The following PAPSS1 variants were observed in gnomAD, a reference collection of about 807,000 sequenced individuals.
PAPSS1 encodes bifunctional 3'-phosphoadenosine 5'-phosphosulfate synthase 1.
In PAPSS1, 50 loss-of-function variants were observed where a neutral mutation model predicts 72.0. That is an observed-to-expected ratio of 0.69 (90% CI 0.55 to 0.88). PAPSS1 has a LOEUF of 0.88. PAPSS1 is among the 40% of genes least tolerant of loss of function. PAPSS1 has a pLI of 0.00. For synonymous variants in PAPSS1, 261 were observed against 263.6 expected, an observed-to-expected ratio of 0.99 and a Z score of 0.09; for missense variants, 657 against 782.2, an observed-to-expected ratio of 0.84 and a Z score of 1.91.
intron 3 of PAPSS1, among the ~76,000 whole-genome samples, chr4:107,690,289 A>G (rs955292575): frequency 1.3e-5 from 2 of 152,142 alleles, no homozygotes; most frequent in African/African-American, 4.8e-5. Context: ...ATCATCCTTC[A>G]TATCAGTCAC....
At chr4:107,661,134 T>C (rs1727169925) in intron 5 of PAPSS1, among the ~76,000 whole-genome samples, 1 of 152,068 alleles carries the variant, frequency 6.6e-6, no homozygotes, top group Admixed American at 6.6e-5. Flanking sequence ...CATTAGGAAA[T>C]TGCAAATCAA....
intron 1 of PAPSS1, among the ~76,000 whole-genome samples, chr4:107,716,034 T>A (rs1723631731): frequency 1.3e-5 from 2 of 152,204 alleles, no homozygotes; most frequent in Non-Finnish European, 2.9e-5. Flanking sequence ...TACTTAAGCT[T>A]TTGTAAGATA....
intron 8 of PAPSS1, among the ~76,000 whole-genome samples, chr4:107,653,907 T>C (rs1211301661): frequency 1.3e-5 from 2 of 152,238 alleles, no homozygotes; most frequent in Admixed American, 1.3e-4. Flanking sequence ...TTTTCGTTAT[T>C]ATCATACATT....
chr4:107,658,248 A>G (rs1292765472), intron 6 of PAPSS1, among the ~76,000 whole-genome samples: 3 of 150,174 alleles, frequency 2.0e-5, no homozygotes, highest in Non-Finnish European at 3.0e-5. Flanking sequence ...TAAAAAAAAA[A>G]GGTGTATAGA....
rs371969617 is a variant in PAPSS1 at position 107,654,741 on chromosome 4, C to G, written c.1055G>C (p.Cys352Ser). The G allele has an allele frequency of 6.2e-7, 1 of 1,613,708 alleles. No homozygotes were observed. The highest frequency in any genetic ancestry group is 8.5e-7 in the Non-Finnish European group (1 of 1,179,864). The change falls in exon 8 of 12, where the codon TGT becomes TCT. Residue 352 changes from cysteine to serine, a missense_variant. Transcript: ENST00000265174. ...GCATGTCGTTCCCCACTGTCTGGCA[C>G]AGCGCTCCTCTTTCCTGTGCTCAAA... Reference protein sequence around the residue: ...EFFEHRKEERCARQWGTTCKN... With the variant: ...EFFEHRKEERSARQWGTTCKN...
chr4:107,622,301 C>T (rs187302348), intron 11 of PAPSS1, among the ~76,000 whole-genome samples: 2 of 152,314 alleles, frequency 1.3e-5, no homozygotes, highest in Non-Finnish European at 2.9e-5. Context: ...TTTACTGCTC[C>T]ATGCATATCT....
intron 11 of PAPSS1, 131 bp from the exon 12 acceptor site, chr4:107,614,518 A>C (rs971993658): frequency 1.1e-5 from 7 of 611,786 alleles, no homozygotes; most frequent in Non-Finnish European, 1.9e-5. Flanking sequence ...ACTTGTGAAT[A>C]TAAATCTCAT....
intron 5 of PAPSS1, among the ~76,000 whole-genome samples, chr4:107,680,591 A>G (rs1189038123): frequency 6.6e-6 from 1 of 152,200 alleles, no homozygotes; most frequent in African/African-American, 2.4e-5. Flanking sequence ...GTCTGTTTCT[A>G]TCACTTATAA....
chr4:107,709,162 T>G (rs1396935249), intron 1 of PAPSS1, among the ~76,000 whole-genome samples: 3 of 152,236 alleles, frequency 2.0e-5, no homozygotes, highest in African/African-American at 4.8e-5. Flanking sequence ...GCTAAAGTTT[T>G]TAACAATATT....
intron 5 of PAPSS1, among the ~76,000 whole-genome samples, chr4:107,671,352 A>G (rs1479703803): frequency 1.3e-5 from 2 of 151,980 alleles, no homozygotes; most frequent in East Asian, 3.9e-4. Context: ...CCCAAAGGAC[A>G]CTATTCTAAA....
At chr4:107,620,420 T>G (rs72673559) in intron 11 of PAPSS1, among the ~76,000 whole-genome samples, 36,503 of 152,162 alleles carry the variant, frequency 0.24, 5,003 homozygotes, top group Middle Eastern at 0.33. Context: ...AACTTAACAA[T>G]TTTTATTTTC....
chr4:107,659,849 C>G (rs1400340274), intron 6 of PAPSS1, 110 bp downstream of exon 6: 4 of 621,826 alleles, frequency 6.4e-6, no homozygotes, highest in African/African-American at 1.9e-5. Flanking sequence ...CATCTTTGCC[C>G]CCCCAGCTAA....
At chr4:107,702,780 T>C (rs144090692) in intron 1 of PAPSS1, among the ~76,000 whole-genome samples, 1 of 152,334 alleles carries the variant, frequency 6.6e-6, no homozygotes, top group Non-Finnish European at 1.5e-5. Context: ...TTCCATATCT[T>C]GACTATGGTA....
chr4:107,635,015 G>A (rs372932382), intron 10 of PAPSS1, among the ~76,000 whole-genome samples: 1 of 151,934 alleles, frequency 6.6e-6, no homozygotes, highest in Non-Finnish European at 1.5e-5. Flanking sequence ...AGCCAGGATG[G>A]TCTCGATCTC....
intron 1 of PAPSS1, among the ~76,000 whole-genome samples, chr4:107,703,833 G>A (rs1456076871): frequency 6.6e-6 from 1 of 152,000 alleles, no homozygotes; most frequent in African/African-American, 2.4e-5. Context: ...GGTTATCTGG[G>A]GTCTTTTGTG....
chr4:107,719,283 G>A (rs758780879), intron 1 of PAPSS1, among the ~76,000 whole-genome samples: 10 of 151,128 alleles, frequency 6.6e-5, no homozygotes, highest in Non-Finnish European at 1.2e-4. Flanking sequence ...TAACGTTTCC[G>A]TCTAAACTTA....
At position 107,645,887 on chromosome 4, in the gene PAPSS1, T is replaced by A. The variant is rs114458456; in HGVS notation, c.1238-817A>T. On this transcript the variant is annotated intron_variant, in intron 9 of 11. Transcript: ENST00000265174. ...AACAATCTGTAAGCCAAATAGTACA[T>A]CATCTCCAATCTGTTCTCAATTCTG... Among the ~76,000 whole-genome samples the A allele has an allele frequency of 4.9e-3, 741 of 152,266 alleles. 7 individuals are homozygous for A. Among genetic ancestry groups the A allele is most frequent in the African/African-American group, 0.017 (721 of 41,546 alleles).
intron 6 of PAPSS1, among the ~76,000 whole-genome samples, chr4:107,659,709 T>C (rs1055861342): frequency 6.6e-6 from 1 of 152,208 alleles, no homozygotes; most frequent in Non-Finnish European, 1.5e-5. Context: ...TCATGTAATA[T>C]TTGTTCTTTG....
chr4:107,663,902 T>A (rs1172751552), intron 5 of PAPSS1, among the ~76,000 whole-genome samples: 2 of 152,232 alleles, frequency 1.3e-5, no homozygotes, highest in African/African-American at 4.8e-5. Context: ...AAATTTTTCT[T>A]ATTTTCATGA....
Sources: allele counts gnomAD v4.1 joint callset (sites outside exome capture counted in the v4.1 genomes callset), GRCh38; gene constraint gnomAD v4.1.1; transcripts MANE v1.5; gene names NCBI Gene and HGNC (gene_info 2026-07-23, HGNC 2026-07-21).